Variants in PLCB4 observed in about 807,000 individuals in gnomAD.
PLCB4 encodes the protein 1-phosphatidylinositol 4,5-bisphosphate phosphodiesterase beta-4.
PLCB4 carries 77 observed loss-of-function variants against 178.8 expected under a neutral mutation model. The observed-to-expected ratio is 0.43, with a 90% CI of 0.36 to 0.52. The LOEUF is 0.52. Ranked by LOEUF, PLCB4 falls within the 20% of genes least tolerant of loss-of-function variation. PLCB4 has a pLI of 0.00. For synonymous variants in PLCB4, 496 were observed against 490.8 expected, an observed-to-expected ratio of 1.01 and a Z score of -0.14; for missense variants, 1,024 against 1,453.4, an observed-to-expected ratio of 0.70 and a Z score of 4.80.
intron 2 of PLCB4, among the ~76,000 whole-genome samples, chr20:9,118,161 G>A (rs2091843620): frequency 1.3e-5 from 2 of 151,250 alleles, no homozygotes; most frequent in South Asian, 2.1e-4. Flanking sequence ...GTGCTGGTGC[G>A]CTGCACCCAC....
intron 3 of PLCB4, among the ~76,000 whole-genome samples, chr20:9,300,441 A>G (rs2094689669): frequency 6.6e-6 from 1 of 152,218 alleles, no homozygotes; most frequent in South Asian, 2.1e-4. Context: ...GTTATCAAGT[A>G]GAAGCAAATG....
chr20:9,334,012 G>A (rs2032080907), intron 4 of PLCB4, among the ~76,000 whole-genome samples: 1 of 152,120 alleles, frequency 6.6e-6, no homozygotes, highest in Admixed American at 6.5e-5. Flanking sequence ...AGGAGAGGAT[G>A]GGGCTGCTCT....
chr20:9,443,217 T>C (rs1034460024), intron 30 of PLCB4, among the ~76,000 whole-genome samples: 1 of 152,238 alleles, frequency 6.6e-6, no homozygotes, highest in Non-Finnish European at 1.5e-5. Flanking sequence ...CAATAGCACA[T>C]TGCTTAAATG....
chr20:9,227,097 A>C (rs901895098), intron 3 of PLCB4, among the ~76,000 whole-genome samples: 5 of 151,338 alleles, frequency 3.3e-5, no homozygotes, highest in Non-Finnish European at 5.9e-5. Context: ...CTTGCTGATC[A>C]TTTATACCTC....
At chr20:9,408,164 G>C in intron 22 of PLCB4, 106 bp downstream of exon 22, 1 of 913,904 alleles carries the variant, frequency 1.1e-6, no homozygotes. Flanking sequence ...GGGCATGGGG[G>C]CTGTTCCACC....
At chr20:9,169,770 A>G (rs560718212) in intron 2 of PLCB4, among the ~76,000 whole-genome samples, 16 of 152,206 alleles carry the variant, frequency 1.1e-4, no homozygotes, top group African/African-American at 2.9e-4. Flanking sequence ...AAAATTTCAA[A>G]CATATAGTAA....
intron 28 of PLCB4, among the ~76,000 whole-genome samples, chr20:9,426,916 T>C (rs1428909696): frequency 6.6e-6 from 1 of 152,058 alleles, no homozygotes; most frequent in East Asian, 1.9e-4. Flanking sequence ...TCCTTCTCAT[T>C]TCTATAGCAT....
chr20:9,207,627 A>G (rs2093628914), intron 2 of PLCB4, among the ~76,000 whole-genome samples: 2 of 152,174 alleles, frequency 1.3e-5, no homozygotes, highest in Middle Eastern at 6.3e-3. Context: ...ATCGATGGAA[A>G]AGGTTTTCGG....
At chr20:9,145,753 T>C (rs998020024) in intron 2 of PLCB4, among the ~76,000 whole-genome samples, 4 of 152,104 alleles carry the variant, frequency 2.6e-5, no homozygotes, top group Non-Finnish European at 4.4e-5. Context: ...CAAGGATCTC[T>C]CCTATCAAAG....
chr20:9,087,628 G>A (rs2146548774), intron 1 of PLCB4, among the ~76,000 whole-genome samples: 1 of 152,258 alleles, frequency 6.6e-6, no homozygotes, highest in Admixed American at 6.5e-5. Context: ...GGAATTCCTG[G>A]TTTAACTCTC....
intron 2 of PLCB4, among the ~76,000 whole-genome samples, chr20:9,189,488 G>A (rs1457333555): frequency 3.3e-5 from 5 of 150,500 alleles, no homozygotes; most frequent in Non-Finnish European, 5.9e-5. Context: ...GTCATATAGT[G>A]ACATTCTGGG....
At chr20:9,359,343 G>T (rs1395788763) in intron 7 of PLCB4, among the ~76,000 whole-genome samples, 5 of 152,176 alleles carry the variant, frequency 3.3e-5, no homozygotes, top group Non-Finnish European at 7.3e-5. Flanking sequence ...CTCCAGGAGA[G>T]AATTAGAGGC....
At chr20:9,367,715 G>C (rs2035902509) in intron 9 of PLCB4, among the ~76,000 whole-genome samples, 1 of 152,186 alleles carries the variant, frequency 6.6e-6, no homozygotes, top group Non-Finnish European at 1.5e-5. Flanking sequence ...CTAACCAGCA[G>C]TCTTGGTTTC....
At position 9,337,137 on chromosome 20, in the gene PLCB4, G is replaced by A. The variant is rs1349212374; in HGVS notation, c.96G>A (p.Val32=). The A allele has an allele frequency of 1.2e-6, 2 of 1,611,804 alleles. No homozygotes were observed. The highest frequency in any genetic ancestry group is 1.1e-5 in the South Asian group (1 of 91,008). ...TTTCTTTTTGACAGGAATCCTTTGT[G>A]TTTGAACCCAACTGCCTCTTCAAAG... ...VFDRYEEESF[V]FEPNCLFKVD... Residue 32 remains valine (V), a synonymous_variant, in exon 5 of 40, where the codon GTG becomes GTA. Transcript: ENST00000378473.
intron 2 of PLCB4, among the ~76,000 whole-genome samples, chr20:9,196,213 C>A (rs1464673664): frequency 2.0e-5 from 3 of 152,162 alleles, no homozygotes; most frequent in Non-Finnish European, 4.4e-5. Context: ...ACAGAGAAAT[C>A]TGTGTGTGCA....
intron 7 of PLCB4, among the ~76,000 whole-genome samples, chr20:9,342,904 G>A (rs1297729974): frequency 6.6e-6 from 1 of 152,098 alleles, no homozygotes; most frequent in Non-Finnish European, 1.5e-5. Context: ...AAACAACAAT[G>A]CCCTTTCTTT....
At chr20:9,086,334 G>A (rs984371529) in intron 1 of PLCB4, among the ~76,000 whole-genome samples, 1 of 152,064 alleles carries the variant, frequency 6.6e-6, no homozygotes, top group Non-Finnish European at 1.5e-5. Flanking sequence ...TCTTGTGAAG[G>A]TCAGGAACTC....
chr20:9,292,151 C>T (rs1172721803), intron 3 of PLCB4, among the ~76,000 whole-genome samples: 1 of 152,156 alleles, frequency 6.6e-6, no homozygotes, highest in Non-Finnish European at 1.5e-5. Context: ...TTTTACAATC[C>T]TCAGGCTTAC....
At position 9,444,006 on chromosome 20, in the gene PLCB4, G is replaced by T. The variant is rs1288663399; in HGVS notation, c.2790G>T (p.Arg930Ser). ...KKGIELIPQV[R>S]IEDLKQMKAY... The stretch of plus-strand genomic sequence containing the variant: ...GTATTGAACTTATCCCTCAAGTAAG[G>T]ATAGAAGACTTAAAGCAGATGAAGG... Residue 930 changes from arginine (R) to serine (S), a missense_variant, in exon 31 of 40, where the codon AGG becomes AGT. Physicochemically the swap from Arg to Ser is moderately radical, Grantham distance 110. Transcript: ENST00000378473. 6.2e-7 allele frequency: 1 copy of T among 1,602,198 alleles called. No homozygotes were observed.
Sources: allele counts gnomAD v4.1 joint callset (sites outside exome capture counted in the v4.1 genomes callset), GRCh38; gene constraint gnomAD v4.1.1; transcripts MANE v1.5; gene names NCBI Gene and HGNC (gene_info 2026-07-23, HGNC 2026-07-21).